Variants in TNPO1 observed in about 807,000 individuals in gnomAD.
TNPO1 encodes transportin 1.
A neutral mutation model predicts 119.5 loss-of-function variants in TNPO1; 8 were observed. The observed-to-expected ratio is 0.07, with a 90% CI of 0.04 to 0.12. The LOEUF (loss-of-function observed/expected upper bound fraction) is 0.12, where lower values mean the gene tolerates loss of function less well. Ranked by LOEUF, TNPO1 falls within the 10% of genes least tolerant of loss-of-function variation. The probability of loss-of-function intolerance (pLI) is 1.00; values close to 1 mark genes in which losing one functional copy is unlikely to be tolerated. For missense variants in TNPO1, 576 were observed against 1,089.8 expected, an observed-to-expected ratio of 0.53 and a Z score of 6.64; for synonymous variants, 362 against 363.0, an observed-to-expected ratio of 1.00 and a Z score of 0.03.
intron 6 of TNPO1, among the ~76,000 whole-genome samples, chr5:72,868,523 C>A (rs1361889433): frequency 6.7e-6 from 1 of 149,126 alleles, no homozygotes; most frequent in African/African-American, 2.5e-5. Context: ...CTGTCTTTTC[C>A]ATTTATGTAA....
At chr5:72,897,783 AAGAC>A (rs1413190294) in intron 20 of TNPO1, among the ~76,000 whole-genome samples, 3 of 151,992 alleles carry the variant, frequency 2.0e-5, no homozygotes, top group Non-Finnish European at 4.4e-5. Flanking sequence ...ACAATCCAGA[AAGAC>A]AGAAATTTTG....
intron 1 of TNPO1, among the ~76,000 whole-genome samples, chr5:72,820,069 T>C (rs748121992): frequency 7.2e-5 from 11 of 152,220 alleles, no homozygotes; most frequent in Non-Finnish European, 1.3e-4. Context: ...TCTGAGTTTA[T>C]TGGATTTTTT....
At chr5:72,853,188 C>G (rs1000088832) in intron 3 of TNPO1, among the ~76,000 whole-genome samples, 1 of 152,138 alleles carries the variant, frequency 6.6e-6, no homozygotes, top group Non-Finnish European at 1.5e-5. Context: ...AGGTGGCTCA[C>G]GCCTGTAATC....
chr5:72,848,900 TG>T (rs1198601326), intron 2 of TNPO1, among the ~76,000 whole-genome samples: 5 of 150,578 alleles, frequency 3.3e-5, no homozygotes, highest in Non-Finnish European at 3.0e-5. Flanking sequence ...GCCCCGTGGG[TG>T]GGGGTGGCAG....
intron 22 of TNPO1, among the ~76,000 whole-genome samples, chr5:72,901,555 T>C (rs1749797178): frequency 1.3e-5 from 2 of 152,236 alleles, no homozygotes; most frequent in African/African-American, 4.8e-5. Flanking sequence ...TTTATTCATC[T>C]TTGTTTTCCA....
At chr5:72,876,947 T>G (rs1247473923) in intron 8 of TNPO1, among the ~76,000 whole-genome samples, 1 of 151,696 alleles carries the variant, frequency 6.6e-6, no homozygotes, top group African/African-American at 2.4e-5. Context: ...ACAAAAAAAT[T>G]AGCCGGGTGT....
chr5:72,877,094 CAAAA>C (rs35883847), intron 8 of TNPO1, 130 bp from the exon 9 acceptor site: 4,032 of 232,954 alleles, frequency 0.017, no homozygotes, highest in South Asian at 0.026. Flanking sequence ...GACTGCATCT[CAAAA>C]AAAAAAAAAA....
chr5:72,854,035 G>T (rs1405440762), intron 3 of TNPO1, among the ~76,000 whole-genome samples: 1 of 152,040 alleles, frequency 6.6e-6, no homozygotes, highest in African/African-American at 2.4e-5. Flanking sequence ...TCTTCATCTT[G>T]TAACCTTTAT....
chr5:72,830,448 A>G (rs1744409834), intron 1 of TNPO1, among the ~76,000 whole-genome samples: 1 of 151,564 alleles, frequency 6.6e-6, no homozygotes. Context: ...GAATTTAATA[A>G]CAATTTAAAT....
At chr5:72,865,269 C>T (rs1466175234) in intron 5 of TNPO1, among the ~76,000 whole-genome samples, 1 of 151,646 alleles carries the variant, frequency 6.6e-6, no homozygotes, top group Non-Finnish European at 1.5e-5. Context: ...CAGTGAAACC[C>T]CATCTCTACA....
At chr5:72,848,573 C>T (rs1745274539) in intron 2 of TNPO1, 75 bp downstream of exon 2, 2 of 809,334 alleles carry the variant, frequency 2.5e-6, no homozygotes, top group African/African-American at 1.9e-5. Context: ...CGGCCGGGGG[C>T]TCCCGTCGCC....
At chr5:72,856,053 T>TA (rs1745975496) in intron 4 of TNPO1, 130 bp downstream of exon 4, 1 of 935,392 alleles carries the variant, frequency 1.1e-6, no homozygotes, top group Non-Finnish European at 1.6e-6. Flanking sequence ...TCATTGCCTT[T>TA]AAATGCTTTT....
At chr5:72,818,506 A>G (rs1158368117) in intron 1 of TNPO1, among the ~76,000 whole-genome samples, 1 of 152,216 alleles carries the variant, frequency 6.6e-6, no homozygotes, top group East Asian at 1.9e-4. Flanking sequence ...AATTTCTTGA[A>G]TTTTAACCAT....
intron 11 of TNPO1, among the ~76,000 whole-genome samples, chr5:72,884,739 G>T (rs1026194154): frequency 6.6e-6 from 1 of 151,970 alleles, no homozygotes; most frequent in Non-Finnish European, 1.5e-5. Flanking sequence ...TTGGCATTTT[G>T]GGCCACATAA....
At position 72,890,007 on chromosome 5, in the gene TNPO1, C is replaced by G. The variant is rs747615560; in HGVS notation, c.1701+50C>G. On this transcript the variant is annotated intron_variant, in intron 14 of 24. Transcript: ENST00000337273. ...GGGAAAATAATGTGTAGCATAGTTA[C>G]AATTAATAGATTAGCATATATTTGG... is the stretch of plus-strand genomic sequence containing the variant. The G allele has an allele frequency of 2.0e-5, 32 of 1,567,124 alleles. No individual in the cohort carries two copies. In the South Asian group the frequency reaches 3.1e-4, roughly 15 times the overall value.
chr5:72,864,470 A>G (rs2112327218), intron 5 of TNPO1, among the ~76,000 whole-genome samples: 1 of 152,308 alleles, frequency 6.6e-6, no homozygotes, highest in Middle Eastern at 3.4e-3. Context: ...AAGTCTCTGG[A>G]TTATCCCCTT....
intron 1 of TNPO1, among the ~76,000 whole-genome samples, chr5:72,819,077 G>A (rs1012873266): frequency 1.3e-4 from 20 of 152,284 alleles, no homozygotes; most frequent in African/African-American, 4.1e-4. Flanking sequence ...ATAAAGAGAA[G>A]AGGTTTATTA....
intron 1 of TNPO1, among the ~76,000 whole-genome samples, chr5:72,834,924 A>T (rs266427): frequency 3.3e-5 from 5 of 152,042 alleles, no homozygotes; most frequent in Non-Finnish European, 7.4e-5. Context: ...CTTTTTTACC[A>T]TACCTTTTGT....
rs1561370642 is a variant in TNPO1, at chr5:72,910,064, C to G, written c.*1391C>G. On this transcript the variant is annotated 3_prime_UTR_variant, in exon 25 of 25. Coordinates refer to ENST00000337273, the MANE Select transcript of TNPO1 (RefSeq NM_002270.4). ...TCAATGTTTATTCCCACTCAACATA[C>G]TGCCTTCTAAGCTTCCCTTTTTTTG... is the stretch of plus-strand genomic sequence containing the variant. The G allele has an allele frequency of 6.6e-6, 1 of 152,636 alleles. No homozygotes were observed. Among genetic ancestry groups the G allele is most frequent in the Non-Finnish European group, 1.5e-5 (1 of 68,024 alleles). 9.5% of individuals were successfully genotyped at this position (152,636 alleles called of 1,614,324 possible).
Sources: allele counts gnomAD v4.1 joint callset (sites outside exome capture counted in the v4.1 genomes callset), GRCh38; gene constraint gnomAD v4.1.1; transcripts MANE v1.5; gene names NCBI Gene and HGNC (gene_info 2026-07-23, HGNC 2026-07-21).